Variants in CLYBL observed in about 807,000 individuals in gnomAD.
The protein encoded by CLYBL is citramalyl-CoA lyase, mitochondrial.
A neutral mutation model predicts 38.9 loss-of-function variants in CLYBL; 31 were observed. That is an observed-to-expected ratio of 0.80 (90% CI 0.60 to 1.08). The LOEUF (loss-of-function observed/expected upper bound fraction) is 1.08, where lower values mean the gene tolerates loss of function less well. CLYBL is among the 50% of genes least tolerant of loss of function. The pLI, the probability that CLYBL is intolerant of heterozygous loss-of-function variation, is 0.00. For missense variants in CLYBL, 434 were observed against 411.6 expected (o/e 1.05, Z -0.47); for synonymous variants, 171 against 158.6 (o/e 1.08, Z -0.59).
chr13:99,613,034 A>G (rs994020645), intron 1 of CLYBL, among the ~76,000 whole-genome samples: 4 of 94,798 alleles, frequency 4.2e-5, no homozygotes, highest in African/African-American at 1.8e-4. Flanking sequence ...TGATAATAAT[A>G]ATAATAATAA....
intron 2 of CLYBL, among the ~76,000 whole-genome samples, chr13:99,801,228 A>G (rs2806306): frequency 0.62 from 93,994 of 152,108 alleles, 29,576 homozygotes; most frequent in Middle Eastern, 0.73. Context: ...CGTTTGTTAA[A>G]GACTTTTAAA....
chr13:99,793,260 G>A (rs149502643), intron 2 of CLYBL, among the ~76,000 whole-genome samples: 3 of 152,264 alleles, frequency 2.0e-5, no homozygotes, highest in African/African-American at 7.2e-5. Context: ...ATGTATACAG[G>A]GGCATGGGGA....
At chr13:99,667,025 C>T (rs367955384) in intron 1 of CLYBL, among the ~76,000 whole-genome samples, 1 of 152,070 alleles carries the variant, frequency 6.6e-6, no homozygotes, top group East Asian at 1.9e-4. Flanking sequence ...ACTGAAGACA[C>T]GTTAGAGGTC....
At chr13:99,712,271 C>T (rs558968280) in intron 1 of CLYBL, among the ~76,000 whole-genome samples, 3 of 151,692 alleles carry the variant, frequency 2.0e-5, no homozygotes, top group South Asian at 2.1e-4. Context: ...CTGAGCCATA[C>T]GGTACACTAC....
chr13:99,620,500 G>A (rs2046776331), intron 1 of CLYBL, among the ~76,000 whole-genome samples: 1 of 152,202 alleles, frequency 6.6e-6, no homozygotes, highest in Non-Finnish European at 1.5e-5. Context: ...GCCTTCACTG[G>A]GCATGGTGGC....
intron 1 of CLYBL, among the ~76,000 whole-genome samples, chr13:99,742,265 C>T (rs1294447243): frequency 6.6e-6 from 1 of 152,226 alleles, no homozygotes; most frequent in Admixed American, 6.5e-5. Flanking sequence ...CCTTACCATT[C>T]AACAGCTTAC....
intron 1 of CLYBL, among the ~76,000 whole-genome samples, chr13:99,713,363 A>T (rs1299919624): frequency 7.4e-6 from 1 of 134,608 alleles, no homozygotes; most frequent in Non-Finnish European, 1.5e-5. Flanking sequence ...TTTTTAAGAC[A>T]GAGTCTTGGT....
chr13:99,846,218 A>G (rs1358055669), intron 2 of CLYBL, among the ~76,000 whole-genome samples: 1 of 151,846 alleles, frequency 6.6e-6, no homozygotes, highest in African/African-American at 2.4e-5. Flanking sequence ...AAATGAAAAC[A>G]TGCAAAGGTG....
At chr13:99,699,683 A>G in intron 1 of CLYBL, among the ~76,000 whole-genome samples, 1 of 136,918 alleles carries the variant, frequency 7.3e-6, no homozygotes, top group Non-Finnish European at 1.5e-5. Flanking sequence ...ACAGACCAAG[A>G]CTCCGTCTCA....
intron 1 of CLYBL, among the ~76,000 whole-genome samples, chr13:99,686,156 T>TCAGGGA (rs1308259618): frequency 6.6e-6 from 1 of 152,144 alleles, no homozygotes; most frequent in African/African-American, 2.4e-5. Context: ...TGGAGCTGTT[T>TCAGGGA]CAGGGACACT....
intron 2 of CLYBL, among the ~76,000 whole-genome samples, chr13:99,833,300 C>T (rs1182206689): frequency 2.0e-5 from 3 of 151,590 alleles, no homozygotes; most frequent in Non-Finnish European, 2.9e-5. Flanking sequence ...CTCAGCCTTC[C>T]AAAGTGCTGG....
intron 2 of CLYBL, among the ~76,000 whole-genome samples, chr13:99,854,407 G>A (rs920936623): frequency 6.6e-6 from 1 of 150,966 alleles, no homozygotes; most frequent in African/African-American, 2.4e-5. Context: ...CTTGAATCTC[G>A]TATCCTGTCT....
intron 1 of CLYBL, among the ~76,000 whole-genome samples, chr13:99,753,426 G>A (rs570319051): frequency 2.6e-4 from 39 of 152,270 alleles, no homozygotes; most frequent in African/African-American, 9.4e-4. Flanking sequence ...CTTGGGCCAG[G>A]GTGGGAAAGA....
At chr13:99,836,396 A>G (rs1379296784) in intron 2 of CLYBL, among the ~76,000 whole-genome samples, 1 of 152,150 alleles carries the variant, frequency 6.6e-6, no homozygotes, top group African/African-American at 2.4e-5. Context: ...TGTTCCAGGG[A>G]GTGGCTGCTT....
chr13:99,667,270 C>T (rs1382154278), intron 1 of CLYBL, among the ~76,000 whole-genome samples: 5 of 152,030 alleles, frequency 3.3e-5, no homozygotes, highest in Admixed American at 2.0e-4. Context: ...GATGGAGCCA[C>T]GTATGCTGTA....
intron 1 of CLYBL, among the ~76,000 whole-genome samples, chr13:99,627,104 TA>T (rs2046881027): frequency 6.6e-6 from 1 of 152,084 alleles, no homozygotes; most frequent in Non-Finnish European, 1.5e-5. Flanking sequence ...TTTCATTTTT[TA>T]ATCCGACACT....
intron 2 of CLYBL, among the ~76,000 whole-genome samples, chr13:99,818,032 G>A (rs1248090117): frequency 6.6e-6 from 1 of 151,070 alleles, no homozygotes; most frequent in African/African-American, 2.4e-5. Context: ...AAGGAAGGAA[G>A]GAAGGGAGGG....
At chr13:99,833,072 G>A (rs1396006270) in intron 2 of CLYBL, among the ~76,000 whole-genome samples, 2 of 71,610 alleles carry the variant, frequency 2.8e-5, no homozygotes, top group African/African-American at 1.2e-4. Flanking sequence ...ATGGAGTTTC[G>A]CTCTTTTTGC....
At chr13:99,711,394 G>A (rs1463260059) in intron 1 of CLYBL, among the ~76,000 whole-genome samples, 1 of 149,162 alleles carries the variant, frequency 6.7e-6, no homozygotes, top group East Asian at 2.0e-4. Flanking sequence ...AAGGGGTGAG[G>A]GAGTCCGTCT....
Sources: allele counts gnomAD v4.1 joint callset (sites outside exome capture counted in the v4.1 genomes callset), GRCh38; gene constraint gnomAD v4.1.1; transcripts MANE v1.5; gene names NCBI Gene and HGNC (gene_info 2026-07-23, HGNC 2026-07-21).